Variants in ERBB4 observed in about 807,000 individuals in gnomAD.
ERBB4 encodes receptor tyrosine-protein kinase erbB-4.
ERBB4 carries 42 observed loss-of-function variants against 158.0 expected under a neutral mutation model. The ratio of observed to expected loss-of-function variants is 0.27; its 90% CI spans 0.21 to 0.34. The LOEUF is 0.34. ERBB4 is among the 10% of genes least tolerant of loss of function. The pLI is 1.00. For missense variants in ERBB4, 1,333 were observed against 1,624.1 expected (o/e 0.82, Z 3.08); for synonymous variants, 583 against 558.7 (o/e 1.04, Z -0.61).
chr2:212,042,576 C>T (rs567369808), intron 2 of ERBB4, among the ~76,000 whole-genome samples: 8 of 152,000 alleles, frequency 5.3e-5, no homozygotes, highest in Non-Finnish European at 1.2e-4. Context: ...AAAACCTATC[C>T]TTCAATCTGA....
intron 22 of ERBB4, among the ~76,000 whole-genome samples, chr2:211,428,073 G>A (rs2063669278): frequency 6.6e-6 from 1 of 151,942 alleles, no homozygotes; most frequent in Admixed American, 6.6e-5. Context: ...AGGGCAAGGG[G>A]AGGGAGAGCA....
chr2:211,484,316 A>G (rs2065152820), intron 20 of ERBB4, among the ~76,000 whole-genome samples: 1 of 152,206 alleles, frequency 6.6e-6, no homozygotes, highest in Non-Finnish European at 1.5e-5. Context: ...CAATGATCAC[A>G]TTAAATGGTC....
intron 1 of ERBB4, among the ~76,000 whole-genome samples, chr2:212,370,777 A>G (rs2090057229): frequency 6.6e-6 from 1 of 152,168 alleles, no homozygotes. Context: ...TAAACAATGA[A>G]GGTATCCACA....
At chr2:211,970,565 G>A (rs988415147) in intron 2 of ERBB4, among the ~76,000 whole-genome samples, 9 of 152,188 alleles carry the variant, frequency 5.9e-5, no homozygotes, top group African/African-American at 2.2e-4. Context: ...CTCCTGTGTG[G>A]GAAGTATATA....
intron 20 of ERBB4, among the ~76,000 whole-genome samples, chr2:211,532,702 C>T (rs779806483): frequency 1.3e-5 from 2 of 151,720 alleles, no homozygotes; most frequent in Non-Finnish European, 2.9e-5. Flanking sequence ...ATGACAATAA[C>T]AATAATGAGA....
chr2:212,146,487 C>T (rs2080677838), intron 1 of ERBB4, among the ~76,000 whole-genome samples: 1 of 152,160 alleles, frequency 6.6e-6, no homozygotes, highest in Admixed American at 6.6e-5. Flanking sequence ...AAATTGTGCA[C>T]TATTTCTTCT....
intron 1 of ERBB4, among the ~76,000 whole-genome samples, chr2:212,486,277 T>G (rs974031446): frequency 1.4e-4 from 21 of 151,552 alleles, no homozygotes; most frequent in Non-Finnish European, 1.5e-5. Context: ...ACAAAAAACA[T>G]AAAACACATG....
At chr2:211,661,908 G>A (rs1431376791) in intron 15 of ERBB4, among the ~76,000 whole-genome samples, 2 of 147,896 alleles carry the variant, frequency 1.4e-5, no homozygotes, top group South Asian at 2.1e-4. Flanking sequence ...GCGTAGTGGC[G>A]GGCGCCTGTA....
intron 12 of ERBB4, among the ~76,000 whole-genome samples, chr2:211,698,507 C>A (rs1392130016): frequency 2.0e-5 from 3 of 151,056 alleles, no homozygotes; most frequent in African/African-American, 4.9e-5. Flanking sequence ...ATATATTCAC[C>A]AATAATTATA....
intron 1 of ERBB4, among the ~76,000 whole-genome samples, chr2:212,159,264 GT>G (rs72054973): frequency 0.57 from 81,153 of 141,176 alleles, 23,009 homozygotes; most frequent in South Asian, 0.64. Context: ...GTGTGTTTTT[GT>G]TTTTTTTTTT....
At chr2:212,384,903 A>ATATATATATG (rs1053365433) in intron 1 of ERBB4, among the ~76,000 whole-genome samples, 2 of 138,546 alleles carry the variant, frequency 1.4e-5, no homozygotes, top group African/African-American at 5.7e-5. Flanking sequence ...ATATATATAT[A>ATATATATATG]TATATATATA....
chr2:211,649,437 C>G (rs151094608), intron 16 of ERBB4, among the ~76,000 whole-genome samples: 2 of 151,912 alleles, frequency 1.3e-5, no homozygotes, highest in African/African-American at 4.8e-5. Context: ...AAATAAAAAA[C>G]TGATGTTTTG....
At chr2:212,477,510 CT>C (rs1689463734) in intron 1 of ERBB4, among the ~76,000 whole-genome samples, 1 of 152,172 alleles carries the variant, frequency 6.6e-6, no homozygotes, top group Non-Finnish European at 1.5e-5. Context: ...TGCTGTAAGT[CT>C]TTTAATAAGA....
At chr2:211,750,854 T>C in intron 4 of ERBB4, 150 bp from the exon 5 acceptor site, 1 of 726,470 alleles carries the variant, frequency 1.4e-6, no homozygotes, top group South Asian at 1.5e-5. Context: ...AATGCCCACT[T>C]AAGTAGGAAA....
chr2:212,126,460 CAAAAAA>C (rs10585812), intron 1 of ERBB4, among the ~76,000 whole-genome samples: 1 of 70,692 alleles, frequency 1.4e-5, no homozygotes, highest in Non-Finnish European at 2.7e-5. Context: ...GACTCTGTCT[CAAAAAA>C]AAAAAAAAAA....
At chr2:212,268,773 G>C (rs1249736333) in intron 1 of ERBB4, among the ~76,000 whole-genome samples, 1 of 151,688 alleles carries the variant, frequency 6.6e-6, no homozygotes, top group African/African-American at 2.4e-5. Context: ...TTGATCCTTG[G>C]GTAATAGTTT....
At chr2:211,749,265 C>T (rs931311504) in intron 5 of ERBB4, among the ~76,000 whole-genome samples, 1 of 152,084 alleles carries the variant, frequency 6.6e-6, no homozygotes, top group Non-Finnish European at 1.5e-5. Flanking sequence ...TTTCCAAATC[C>T]ACATGTCTAT....
intron 27 of ERBB4, among the ~76,000 whole-genome samples, chr2:211,386,253 T>C (rs181748961): frequency 2.0e-4 from 31 of 152,326 alleles, no homozygotes; most frequent in Admixed American, 1.4e-3. Context: ...ATTATTGTTA[T>C]GCTTTGTAAA....
chr2:211,981,513 G>T (rs2081795886), intron 2 of ERBB4, among the ~76,000 whole-genome samples: 1 of 152,082 alleles, frequency 6.6e-6, no homozygotes, highest in Non-Finnish European at 1.5e-5. Flanking sequence ...ATCTGTCTCT[G>T]GCCTCTACCT....
Sources: allele counts gnomAD v4.1 joint callset (sites outside exome capture counted in the v4.1 genomes callset), GRCh38; gene constraint gnomAD v4.1.1; transcripts MANE v1.5; gene names NCBI Gene and HGNC (gene_info 2026-07-23, HGNC 2026-07-21).